The following RIMS2 variants were observed in gnomAD, a reference collection of about 807,000 sequenced individuals.
The protein encoded by RIMS2 is regulating synaptic membrane exocytosis 2.
In RIMS2, 59 loss-of-function variants were observed where a neutral mutation model predicts 174.4. That is an observed-to-expected ratio of 0.34 (90% confidence interval 0.27 to 0.42). The LOEUF (loss-of-function observed/expected upper bound fraction) is 0.42. Among genes scored for constraint, RIMS2 ranks in the 10% least tolerant of loss-of-function variants. The pLI is 1.00. For synonymous variants in RIMS2, 606 were observed against 572.5 expected (o/e 1.06, Z -0.84); for missense variants, 1,620 against 1,666.3 (o/e 0.97, Z 0.48).
chr8:103,623,794 ATT>A (rs71513084), intron 1 of RIMS2, among the ~76,000 whole-genome samples: 5 of 147,666 alleles, frequency 3.4e-5, no homozygotes, highest in African/African-American at 7.4e-5. Context: ...CGGTCTCTTC[ATT>A]TTTTTTTTTT....
intron 2 of RIMS2, among the ~76,000 whole-genome samples, chr8:103,753,635 CT>C (rs2097925176): frequency 6.6e-6 from 1 of 152,250 alleles, no homozygotes; most frequent in South Asian, 2.1e-4. Context: ...GGAGATTCAC[CT>C]TCTTCCTGGT....
chr8:103,538,942 A>G (rs946596029), intron 1 of RIMS2, among the ~76,000 whole-genome samples: 10 of 152,252 alleles, frequency 6.6e-5, no homozygotes, highest in Admixed American at 6.5e-4. Context: ...CATCCTGGTC[A>G]TTGCAAATGT....
chr8:103,973,118 A>C (rs2093063051), intron 15 of RIMS2, among the ~76,000 whole-genome samples: 1 of 152,246 alleles, frequency 6.6e-6, no homozygotes, highest in African/African-American at 2.4e-5. Flanking sequence ...TATGAATTGT[A>C]TACTGCTATC....
intron 1 of RIMS2, among the ~76,000 whole-genome samples, chr8:103,540,549 G>A (rs1313084860): frequency 1.3e-5 from 2 of 152,206 alleles, no homozygotes; most frequent in African/African-American, 4.8e-5. Flanking sequence ...ATAAAGTCTT[G>A]AAGAGTTGGC....
chr8:104,137,497 A>G (rs1217739587), intron 19 of RIMS2, among the ~76,000 whole-genome samples: 2 of 152,192 alleles, frequency 1.3e-5, no homozygotes, highest in South Asian at 2.1e-4. Context: ...AAAACCTACA[A>G]TTTACCAATG....
chr8:104,120,930 C>G (rs1254603088), intron 19 of RIMS2, among the ~76,000 whole-genome samples: 1 of 152,144 alleles, frequency 6.6e-6, no homozygotes, highest in African/African-American at 2.4e-5. Flanking sequence ...ACTCTCTCAC[C>G]TTGGCAGTAT....
chr8:104,172,144 TC>T (rs2098836224), intron 19 of RIMS2, among the ~76,000 whole-genome samples: 1 of 152,240 alleles, frequency 6.6e-6, no homozygotes, highest in Non-Finnish European at 1.5e-5. Context: ...AGGGGAGATA[TC>T]CCTTAGGTAG....
chr8:103,651,722 T>C (rs1240276551), intron 1 of RIMS2, among the ~76,000 whole-genome samples: 2 of 152,002 alleles, frequency 1.3e-5, no homozygotes, highest in Non-Finnish European at 2.9e-5. Flanking sequence ...CTCCCCCACC[T>C]CCCATTCCTT....
At chr8:103,558,529 C>T (rs546251707) in intron 1 of RIMS2, among the ~76,000 whole-genome samples, 7 of 152,288 alleles carry the variant, frequency 4.6e-5, no homozygotes, top group South Asian at 4.1e-4. Flanking sequence ...TGCCCCAAAT[C>T]TTTTATCTTT....
intron 19 of RIMS2, among the ~76,000 whole-genome samples, chr8:104,235,979 A>G (rs2099256224): frequency 6.6e-6 from 1 of 152,042 alleles, no homozygotes; most frequent in African/African-American, 2.4e-5. Context: ...CGCATAATCT[A>G]AAACAGTACT....
intron 1 of RIMS2, among the ~76,000 whole-genome samples, chr8:103,609,624 C>G (rs1381522710): frequency 2.0e-5 from 3 of 152,116 alleles, no homozygotes; most frequent in Admixed American, 2.0e-4. Context: ...TCCTTTATTG[C>G]TTGTTTTTGT....
At position 103,921,172 on chromosome 8, in the gene RIMS2, A is replaced by G. The variant is rs554844087; in HGVS notation, c.2084-500A>G. Among the ~76,000 whole-genome samples the G allele has an allele frequency of 2.6e-5, 4 of 152,310 alleles. No individual in the cohort carries two copies. In the East Asian group the frequency reaches 7.7e-4, roughly 29 times the overall value. ...TCAAAATAGTGACAATAAATATTTAACATTTTATTCCTTTTTTTCATGCCC... is the reference window on the plus strand; with the variant it reads ...TCAAAATAGTGACAATAAATATTTAGCATTTTATTCCTTTTTTTCATGCCC... On this transcript the variant is annotated intron_variant, in intron 9 of 23. Transcript: ENST00000504942.
At chr8:104,211,938 G>A (rs1233817930) in intron 19 of RIMS2, among the ~76,000 whole-genome samples, 1 of 152,166 alleles carries the variant, frequency 6.6e-6, no homozygotes. Flanking sequence ...AAGTAGGATC[G>A]ACAGAATTTT....
At chr8:103,568,397 T>G (rs2092546054) in intron 1 of RIMS2, among the ~76,000 whole-genome samples, 1 of 152,188 alleles carries the variant, frequency 6.6e-6, no homozygotes, top group Non-Finnish European at 1.5e-5. Context: ...GAGTGAAAAT[T>G]GGAGATTATT....
intron 1 of RIMS2, among the ~76,000 whole-genome samples, chr8:103,646,754 A>G (rs1409844879): frequency 6.6e-6 from 1 of 151,922 alleles, no homozygotes; most frequent in Non-Finnish European, 1.5e-5. Flanking sequence ...GGGGTTTTCT[A>G]GATATAGGAT....
intron 3 of RIMS2, among the ~76,000 whole-genome samples, chr8:103,827,550 G>A (rs565440325): frequency 6.6e-6 from 1 of 152,072 alleles, no homozygotes; most frequent in Admixed American, 6.6e-5. Flanking sequence ...AAATAATCAC[G>A]AATGGGTTGG....
chr8:104,008,374 C>T (rs1004334548), intron 17 of RIMS2, among the ~76,000 whole-genome samples: 3 of 150,698 alleles, frequency 2.0e-5, no homozygotes, highest in Non-Finnish European at 3.0e-5. Context: ...GGTAAATATT[C>T]CTGCTTATTT....
chr8:103,529,305 C>T (rs545736873), intron 1 of RIMS2, among the ~76,000 whole-genome samples: 1 of 152,148 alleles, frequency 6.6e-6, no homozygotes, highest in Non-Finnish European at 1.5e-5. Context: ...GCTTTGTCTA[C>T]CTACTCAAGC....
chr8:104,115,074 T>C (rs1334857977), intron 19 of RIMS2, among the ~76,000 whole-genome samples: 1 of 152,116 alleles, frequency 6.6e-6, no homozygotes, highest in Non-Finnish European at 1.5e-5. Flanking sequence ...AGCTTAAGAT[T>C]ATAAATGTAT....
Sources: gnomAD v4.1 joint callset for allele counts (sites outside exome capture counted in the v4.1 genomes callset) on GRCh38, gnomAD v4.1.1 for gene constraint, MANE v1.5 for transcripts, NCBI Gene and HGNC (gene_info 2026-07-23, HGNC 2026-07-21) for gene names.